Variants in KLHL1 observed in about 807,000 individuals in gnomAD.
The protein encoded by KLHL1 is kelch-like protein 1.
KLHL1 carries 47 observed loss-of-function variants against 77.7 expected under a neutral mutation model. The ratio of observed to expected loss-of-function variants is 0.60; its 90% CI spans 0.48 to 0.77. KLHL1 has a LOEUF of 0.77. Ranked by LOEUF, KLHL1 falls within the 30% of genes least tolerant of loss-of-function variation. The pLI is 0.00. For missense variants in KLHL1, 925 were observed against 910.8 expected (o/e 1.02, Z -0.20); for synonymous variants, 360 against 325.2 (o/e 1.11, Z -1.15).
chr13:69,843,579 A>G lies in KLHL1; in HGVS notation c.1228-4417T>C, dbSNP rs553719486. Among the ~76,000 whole-genome samples, 21 of 151,862 alleles carry G rather than the reference A, an allele frequency of 1.4e-4. No homozygotes were observed. In the South Asian group the frequency reaches 3.1e-3, roughly 22 times the overall value. Reference sequence around the variant, plus strand: ...TTCAGTACCATGTAAAAATAATTTTAGCATAGTATTTTTACATAAATAGGA... The same window carrying G: ...TTCAGTACCATGTAAAAATAATTTTGGCATAGTATTTTTACATAAATAGGA... On this transcript the variant is annotated intron_variant, in intron 5 of 10. Coordinates refer to ENST00000377844, the MANE Select transcript of KLHL1 (RefSeq NM_020866.3).
At position 69,760,337 on chromosome 13, in the gene KLHL1, G is replaced by C. The variant is rs1027855348; in HGVS notation, c.1640-19781C>G. Among the ~76,000 whole-genome samples the C allele has an allele frequency of 6.7e-5, 10 of 148,272 alleles. No homozygotes were observed. In the South Asian group the frequency reaches 1.5e-3, roughly 23 times the overall value. ...GGCAGGATAGTAACTAAACCAAAAG[G>C]TTAGGATATTTTATTATTATTATTA... is the stretch of plus-strand genomic sequence containing the variant. On this transcript the variant is annotated intron_variant, in intron 7 of 10. Coordinates refer to ENST00000377844, the MANE Select transcript of KLHL1 (RefSeq NM_020866.3).
chr13:70,033,287 TGTTTC>T (rs1231871800), intron 1 of KLHL1, among the ~76,000 whole-genome samples: 85 of 152,136 alleles, frequency 5.6e-4, no homozygotes, highest in African/African-American at 2.0e-3. Flanking sequence ...TGTTTTGTTT[TGTTTC>T]GTTTTGTTTT....
intron 8 of KLHL1, among the ~76,000 whole-genome samples, chr13:69,730,231 C>T (rs1873481129): frequency 6.6e-6 from 1 of 151,360 alleles, no homozygotes; most frequent in Non-Finnish European, 1.5e-5. Context: ...AGCTAATTAT[C>T]CAAAAAATAT....
rs73506309 is a variant in KLHL1, at chr13:69,811,833, T to C, written c.1415-14871A>G. Among the ~76,000 whole-genome samples the C allele has an allele frequency of 9.8e-3, 1,499 of 152,268 alleles. 26 individuals are homozygous for C. Among genetic ancestry groups the C allele is most frequent in the African/African-American group, 0.034 (1,431 of 41,554 alleles). Reference sequence around the variant, plus strand: ...TCTTGCTAGCAGTCCATCAGTTTTGTTGATGTTTTCAAAAAACCAGCTCCT... The same window carrying C: ...TCTTGCTAGCAGTCCATCAGTTTTGCTGATGTTTTCAAAAAACCAGCTCCT... On this transcript the variant is annotated intron_variant, in intron 6 of 10. Transcript: ENST00000377844.
chr13:70,051,060 GAA>G (rs750150284), intron 1 of KLHL1, among the ~76,000 whole-genome samples: 21 of 151,978 alleles, frequency 1.4e-4, no homozygotes, highest in Non-Finnish European at 2.8e-4. Flanking sequence ...GTGCCCCTGG[GAA>G]AGATATTGGA....
chr13:70,086,585 AAAAAAAAAGAAAGAAAG>A lies in KLHL1; in HGVS notation c.497+20601_497+20617del, dbSNP rs1193737660. Among the ~76,000 whole-genome samples the A allele has an allele frequency of 4.1e-4, 34 of 82,524 alleles. 1 individual carries two copies. The highest frequency in any genetic ancestry group is 4.4e-3 in the Middle Eastern group (1 of 228). 54.1% of individuals were successfully genotyped at this position (82,524 alleles called of 152,430 possible). On this transcript the variant is annotated intron_variant, in intron 1 of 10. Coordinates refer to ENST00000377844, the MANE Select transcript of KLHL1 (RefSeq NM_020866.3). ...GAAGCTCTGTCTCAAAAAAAAAAAA[AAAAAAAAAGAAAGAAAG>A]AAAGAAAGAAAGAAAGAAAGAAAGA...
intron 1 of KLHL1, among the ~76,000 whole-genome samples, chr13:69,977,607 A>G (rs1006622437): frequency 1.3e-5 from 2 of 152,146 alleles, no homozygotes; most frequent in Admixed American, 6.5e-5. Flanking sequence ...AGAATTTTCA[A>G]AAATTTGTTA....
At chr13:69,737,792 G>T (rs565720724) in intron 8 of KLHL1, among the ~76,000 whole-genome samples, 6 of 152,288 alleles carry the variant, frequency 3.9e-5, no homozygotes, top group Non-Finnish European at 2.9e-5. Flanking sequence ...CGCATCAGTG[G>T]TCTCAGTCTT....
chr13:69,928,099 T>C (rs1882876547), intron 4 of KLHL1, among the ~76,000 whole-genome samples: 1 of 152,192 alleles, frequency 6.6e-6, no homozygotes, highest in African/African-American at 2.4e-5. Flanking sequence ...TTCCTATAGA[T>C]AGAATTTCAG....
At position 69,895,070 on chromosome 13, in the gene KLHL1, C is replaced by G. The variant is rs988241734; in HGVS notation, c.1015-12575G>C. 8.3e-6 allele frequency: 4 copies of G among 484,414 alleles called. 1 individual carries two copies. The highest frequency in any genetic ancestry group is 6.4e-5 in the South Asian group (4 of 62,788). 30.0% of individuals were successfully genotyped at this position (484,414 alleles called of 1,614,324 possible). A position where few individuals can be genotyped will look rare whatever the true frequency, so the allele number is the denominator to read the frequency against. ...GATGTCAGAGTCTCCTTCAGATCAC[C>G]CACTTCGGATCTTGCTTTCTTCTTC... is the stretch of plus-strand genomic sequence containing the variant. On this transcript the variant is annotated intron_variant, in intron 4 of 10. Transcript: ENST00000377844.
At position 70,072,383 on chromosome 13, in the gene KLHL1, T is replaced by G. The variant is rs557672351; in HGVS notation, c.497+34820A>C. ...ATAGTTAAGGTAGAAATGATGCCAT[T>G]TTTCTACAATTCATTTTTGAAAATT... On this transcript the variant is annotated intron_variant, in intron 1 of 10. Coordinates refer to ENST00000377844, the MANE Select transcript of KLHL1 (RefSeq NM_020866.3). 8.5e-4 allele frequency among the ~76,000 whole-genome samples: 130 copies of G among 152,282 alleles called. 2 individuals carry two copies. Among genetic ancestry groups the G allele is most frequent in the African/African-American group, 3.1e-3 (128 of 41,526 alleles).
At chr13:69,973,928 C>A (rs1884467857) in intron 2 of KLHL1, among the ~76,000 whole-genome samples, 1 of 151,918 alleles carries the variant, frequency 6.6e-6, no homozygotes, top group Non-Finnish European at 1.5e-5. Context: ...AAACCACCAA[C>A]CAACCTCTAA....
chr13:70,080,701 A>G (rs1047823773), intron 1 of KLHL1, among the ~76,000 whole-genome samples: 2 of 151,994 alleles, frequency 1.3e-5, no homozygotes, highest in African/African-American at 2.4e-5. Context: ...GGTTCATGCA[A>G]TTCTCCTTCC....
At chr13:69,810,274 T>G (rs1256586924) in intron 6 of KLHL1, among the ~76,000 whole-genome samples, 1 of 152,054 alleles carries the variant, frequency 6.6e-6, no homozygotes, top group Non-Finnish European at 1.5e-5. Flanking sequence ...ATGCTAAAAT[T>G]TACACATGCT....
At chr13:69,824,951 T>G (rs960302275) in intron 6 of KLHL1, among the ~76,000 whole-genome samples, 5 of 152,140 alleles carry the variant, frequency 3.3e-5, no homozygotes, top group Admixed American at 1.3e-4. Context: ...ATAATATGTA[T>G]CCAAATGTGT....
chr13:69,991,090 A>G (rs191237042), intron 1 of KLHL1, among the ~76,000 whole-genome samples: 40 of 152,124 alleles, frequency 2.6e-4, no homozygotes, highest in African/African-American at 9.4e-4. Flanking sequence ...GAAATGAAGA[A>G]GTTATTTGAA....
At chr13:69,808,626 A>G (rs2138058371) in intron 6 of KLHL1, among the ~76,000 whole-genome samples, 1 of 152,320 alleles carries the variant, frequency 6.6e-6, no homozygotes, top group Admixed American at 6.5e-5. Context: ...TCAGAAGAGA[A>G]ACAACCAGCA....
At chr13:69,745,149 C>T (rs1443438131) in intron 7 of KLHL1, among the ~76,000 whole-genome samples, 1 of 151,826 alleles carries the variant, frequency 6.6e-6, no homozygotes, top group Non-Finnish European at 1.5e-5. Flanking sequence ...TTTAGTCATC[C>T]TGATGAGTGA....
intron 6 of KLHL1, among the ~76,000 whole-genome samples, chr13:69,833,032 A>G (rs536384347): frequency 6.6e-6 from 1 of 152,276 alleles, no homozygotes; most frequent in African/African-American, 2.4e-5. Flanking sequence ...TCTTCTGAAC[A>G]TTGTCTTAGG....
Sources: allele counts gnomAD v4.1 joint callset (sites outside exome capture counted in the v4.1 genomes callset), GRCh38; gene constraint gnomAD v4.1.1; transcripts MANE v1.5; gene names NCBI Gene and HGNC (gene_info 2026-07-23, HGNC 2026-07-21).